The following PARD3B variants were observed in gnomAD, a reference collection of about 807,000 sequenced individuals.
The protein encoded by PARD3B is par-3 family cell polarity regulator beta.
PARD3B carries 103 observed loss-of-function variants against 130.2 expected under a neutral mutation model. The ratio of observed to expected loss-of-function variants is 0.79; its 90% confidence interval spans 0.67 to 0.93. PARD3B has a LOEUF of 0.93. PARD3B is among the 40% of genes least tolerant of loss of function. The pLI is 0.00. For missense variants in PARD3B, 1,609 were observed against 1,499.2 expected (o/e 1.07, Z -1.21); for synonymous variants, 583 against 553.2 (o/e 1.05, Z -0.76).
intron 2 of PARD3B, among the ~76,000 whole-genome samples, chr2:204,833,174 A>G (rs1358186801): frequency 6.6e-6 from 1 of 152,198 alleles, no homozygotes. Flanking sequence ...GCAAAAATGG[A>G]CACCACACTA....
At chr2:204,948,579 GA>G (rs1184789054) in intron 2 of PARD3B, among the ~76,000 whole-genome samples, 1 of 152,064 alleles carries the variant, frequency 6.6e-6, no homozygotes. Context: ...CACAGAGACC[GA>G]ACATGAGCAT....
chr2:204,980,665 A>G (rs1438678417), intron 3 of PARD3B, among the ~76,000 whole-genome samples: 2 of 152,102 alleles, frequency 1.3e-5, no homozygotes, highest in Admixed American at 1.3e-4. Context: ...CCAAATCCAT[A>G]CCCCCAGGCT....
intron 2 of PARD3B, among the ~76,000 whole-genome samples, chr2:204,686,737 G>A (rs993100977): frequency 3.3e-5 from 5 of 152,134 alleles, no homozygotes; most frequent in Non-Finnish European, 7.4e-5. Context: ...ACTATCTTGA[G>A]TGATAGTCTT....
intron 2 of PARD3B, among the ~76,000 whole-genome samples, chr2:204,896,968 C>T (rs567157705): frequency 2.6e-5 from 4 of 151,926 alleles, no homozygotes; most frequent in African/African-American, 4.8e-5. Context: ...TACAGCAGAG[C>T]GGGGTTAAAA....
intron 1 of PARD3B, among the ~76,000 whole-genome samples, chr2:204,635,526 T>C (rs753869111): frequency 1.3e-5 from 2 of 152,194 alleles, no homozygotes; most frequent in Non-Finnish European, 2.9e-5. Flanking sequence ...CTTTTGGAAA[T>C]GTTATCTGTT....
At chr2:204,999,537 G>A (rs1055956571) in intron 3 of PARD3B, among the ~76,000 whole-genome samples, 3 of 152,238 alleles carry the variant, frequency 2.0e-5, no homozygotes, top group African/African-American at 2.4e-5. Context: ...AGTTCCAAGC[G>A]CACCCAATCT....
At chr2:204,643,136 A>AAAAAAAAAAAAG (rs1559202402) in intron 1 of PARD3B, among the ~76,000 whole-genome samples, 1 of 145,200 alleles carries the variant, frequency 6.9e-6, no homozygotes, top group African/African-American at 2.5e-5. Context: ...AAAAAAAAAA[A>AAAAAAAAAAAAG]TGTTTGGCAC....
chr2:205,498,893 T>TTA (rs1207236999), intron 20 of PARD3B, among the ~76,000 whole-genome samples: 7 of 152,318 alleles, frequency 4.6e-5, no homozygotes, highest in South Asian at 2.1e-4. Context: ...TGCAAATCTC[T>TTA]GTAAGAGCAC....
At chr2:205,099,659 A>G (rs1702618066) in intron 4 of PARD3B, among the ~76,000 whole-genome samples, 1 of 152,176 alleles carries the variant, frequency 6.6e-6, no homozygotes, top group African/African-American at 2.4e-5. Flanking sequence ...AAAGCACTGC[A>G]CAGCTACAGT....
chr2:205,370,008 C>T (rs1209098368), intron 18 of PARD3B, among the ~76,000 whole-genome samples: 3 of 152,194 alleles, frequency 2.0e-5, no homozygotes, highest in Non-Finnish European at 1.5e-5. Flanking sequence ...CAGAGCCCCT[C>T]CCTGCTGGAC....
Position 205,351,694 on chromosome 2 carries a change from T to C in PARD3B, c.2631-49319T>C, listed in dbSNP as rs184814919. ...CATTTCCGGTGATGTTTTCTGATTC[T>C]CTATATGATTTTAACTCTAGAATTG... On this transcript the variant is annotated intron_variant, in intron 18 of 22. Transcript: ENST00000406610. The surrounding 1 kb of genome is among the most constrained non-coding windows in gnomAD (Gnocchi z 4.2). 8.3e-4 allele frequency among the ~76,000 whole-genome samples: 126 copies of C among 152,266 alleles called. No individual in the cohort carries two copies. The highest frequency in any genetic ancestry group is 1.7e-3 in the South Asian group (8 of 4,818).
chr2:205,208,400 A>G (rs2037437036), intron 15 of PARD3B, among the ~76,000 whole-genome samples: 2 of 139,314 alleles, frequency 1.4e-5, no homozygotes, highest in African/African-American at 2.9e-5. Flanking sequence ...AATAAAGGGT[A>G]TTCAATTAGG....
chr2:205,096,705 A>G (rs908063648), intron 4 of PARD3B, among the ~76,000 whole-genome samples: 3 of 152,318 alleles, frequency 2.0e-5, no homozygotes, highest in Admixed American at 1.3e-4. Flanking sequence ...CATGCTCTCC[A>G]TAAGCCAAGG....
intron 2 of PARD3B, among the ~76,000 whole-genome samples, chr2:204,892,913 C>T (rs1344971092): frequency 6.6e-6 from 1 of 152,046 alleles, no homozygotes; most frequent in Non-Finnish European, 1.5e-5. Context: ...CAAATCTAGA[C>T]AAAAGATGAT....
Position 205,119,016 on chromosome 2 carries a change from A to G in PARD3B, c.776A>G (p.Asn259Ser), listed in dbSNP as rs759997153. 8.7e-6 allele frequency: 14 copies of G among 1,608,432 alleles called. No homozygotes were observed. The highest frequency in any genetic ancestry group is 1.3e-5 in the African/African-American group (1 of 74,518). The change falls in exon 7 of 23, where the codon AAT (asparagine) becomes AGT (serine). Residue 259 changes from asparagine to serine, a missense_variant. Asn to Ser is a conservative substitution (Grantham distance 46, BLOSUM62 1). Transcript: ENST00000406610. ...AATGAATGTATTGTAAAAATCAACA[A>G]TGTGGATCTCGTAGACAAAACCTTT... is the stretch of plus-strand genomic sequence containing the variant. ...HENECIVKIN[N>S]VDLVDKTFAQ... is the part of the protein sequence containing the mutation.
rs1174412760 is a variant in PARD3B at position 205,354,442 on chromosome 2, T to C, written c.2631-46571T>C. Among the ~76,000 whole-genome samples, 12 of 149,558 alleles carry C rather than the reference T, an allele frequency of 8.0e-5. No homozygotes were observed. In the Admixed American group the frequency reaches 8.3e-4, roughly 10 times the overall value. ...GCCGGCACGTTGTGCGCATATACCC[T>C]AAAACTTAAAGTATAATAAAAAAAA... On this transcript the variant is annotated intron_variant, in intron 18 of 22. Transcript: ENST00000406610.
rs2041203320 is a variant in PARD3B, at chr2:205,281,875, A to G, written c.2186-18655A>G. 6.6e-6 allele frequency among the ~76,000 whole-genome samples: 1 copy of G among 152,246 alleles called. No individual in the cohort carries two copies. The highest frequency in any genetic ancestry group is 1.5e-5 in the Non-Finnish European group (1 of 68,032). On this transcript the variant is annotated intron_variant, in intron 16 of 22. Coordinates refer to ENST00000406610, the MANE Select transcript of PARD3B (RefSeq NM_001302769.2). This position sits in a 1 kb window ranked among gnomAD's most constrained non-coding sequence, Gnocchi z 4.2. ...GGATGAGTAGATGAGAATGCCTTGT[A>G]GTTGAAGAGGAAGACAAAAAGAAAC...
chr2:204,818,686 C>T (rs572814591), intron 2 of PARD3B, among the ~76,000 whole-genome samples: 1 of 152,188 alleles, frequency 6.6e-6, no homozygotes, highest in African/African-American at 2.4e-5. Context: ...TTATAACTTG[C>T]CCTAAGAGAA....
intron 11 of PARD3B, among the ~76,000 whole-genome samples, chr2:205,166,122 AG>A: frequency 6.6e-6 from 1 of 152,328 alleles, no homozygotes; most frequent in Non-Finnish European, 1.5e-5. Flanking sequence ...AACAGTGTAT[AG>A]TGGACTAGAC....
Sources: allele counts gnomAD v4.1 joint callset (sites outside exome capture counted in the v4.1 genomes callset), GRCh38; gene constraint gnomAD v4.1.1; non-coding constraint Gnocchi (gnomAD v3.1); transcripts MANE v1.5; gene names NCBI Gene and HGNC (gene_info 2026-07-23, HGNC 2026-07-21).